SHANK2: variants seen among roughly 807,000 people sequenced by gnomAD.
SHANK2 encodes SH3 and multiple ankyrin repeat domains protein 2.
Under a neutral mutation model 133.7 loss-of-function variants are expected in SHANK2, and 43 were observed. The observed-to-expected ratio is 0.32, with a 90% confidence interval of 0.25 to 0.41. The LOEUF is 0.41. SHANK2 is among the 10% of genes least tolerant of loss of function. SHANK2 has a pLI of 1.00. For synonymous variants in SHANK2, 1,017 were observed against 952.8 expected (o/e 1.07, Z -1.24); for missense variants, 1,994 against 2,235.8 (o/e 0.89, Z 2.18).
chr11:70,474,040 C>A lies in SHANK2; in HGVS notation c.4980-601G>T, dbSNP rs1228597530. 2.9e-4 allele frequency: 54 copies of A among 187,092 alleles called. 2 individuals carry two copies. Among genetic ancestry groups the A allele is most frequent in the Admixed American group, 2.0e-3 (37 of 18,936 alleles). 11.6% of individuals were successfully genotyped at this position (187,092 alleles called of 1,614,324 possible). On this transcript the variant is annotated intron_variant, in intron 25 of 25. Coordinates refer to ENST00000601538, the MANE Select transcript of SHANK2 (RefSeq NM_012309.5). The stretch of plus-strand genomic sequence containing the variant: ...CTTCCCAGGTGGCCCCTTTCAGTAA[C>A]TGGAACCCCTGTAGCTACGCAGGGC...
At chr11:71,165,337 T>C (rs1209013377) in intron 2 of SHANK2, among the ~76,000 whole-genome samples, 19 of 152,154 alleles carry the variant, frequency 1.2e-4, no homozygotes, top group African/African-American at 4.3e-4. Flanking sequence ...CCCAGCCTTG[T>C]CTTGTTTTCT....
chr11:70,616,563 G>T (rs2060744557), intron 17 of SHANK2, among the ~76,000 whole-genome samples: 1 of 152,212 alleles, frequency 6.6e-6, no homozygotes, highest in East Asian at 1.9e-4. Context: ...GGACAGAGGA[G>T]GCACTGTTCC....
At chr11:70,617,597 C>T (rs540794157) in intron 17 of SHANK2, among the ~76,000 whole-genome samples, 5 of 152,252 alleles carry the variant, frequency 3.3e-5, no homozygotes, top group East Asian at 3.9e-4. Context: ...CAGAACCCCA[C>T]GGGACCTACA....
At chr11:70,846,425 G>A (rs1418864195) in intron 11 of SHANK2, among the ~76,000 whole-genome samples, 4 of 151,948 alleles carry the variant, frequency 2.6e-5, no homozygotes, top group East Asian at 1.9e-4. Context: ...CACCATGCCC[G>A]GCTAATTTTT....
intron 14 of SHANK2, among the ~76,000 whole-genome samples, chr11:70,732,211 C>G (rs1420481943): frequency 1.3e-5 from 2 of 152,188 alleles, no homozygotes; most frequent in African/African-American, 4.8e-5. Context: ...TCTGCCCTGG[C>G]GCCTCATCCA....
At chr11:70,559,087 C>T (rs782172727) in intron 17 of SHANK2, among the ~76,000 whole-genome samples, 2 of 151,526 alleles carry the variant, frequency 1.3e-5, no homozygotes, top group Non-Finnish European at 2.9e-5. Flanking sequence ...GGTGTGATCT[C>T]GGCTCACTGC....
At chr11:70,554,899 G>T (rs562484251) in intron 17 of SHANK2, among the ~76,000 whole-genome samples, 1 of 45,770 alleles carries the variant, frequency 2.2e-5, no homozygotes, top group Non-Finnish European at 5.2e-5. Flanking sequence ...CACGAACATT[G>T]CATTTTTTTT....
intron 14 of SHANK2, among the ~76,000 whole-genome samples, chr11:70,761,257 T>C (rs1946990429): frequency 6.6e-6 from 1 of 152,136 alleles, no homozygotes; most frequent in African/African-American, 2.4e-5. Flanking sequence ...ATGGGATTTG[T>C]GCCCTTACTA....
intron 25 of SHANK2, among the ~76,000 whole-genome samples, chr11:70,477,781 C>T (rs567068066): frequency 1.3e-5 from 2 of 152,322 alleles, no homozygotes; most frequent in East Asian, 1.9e-4. Flanking sequence ...GAGTGTGAGA[C>T]GCAGGGTGAA....
chr11:70,727,851 C>A (rs1163676717), intron 14 of SHANK2, among the ~76,000 whole-genome samples: 5 of 152,230 alleles, frequency 3.3e-5, no homozygotes, highest in African/African-American at 1.2e-4. Flanking sequence ...GGGCTGTCCT[C>A]AGTTTCTGTG....
Position 70,492,317 on chromosome 11 carries a change from CA to C in SHANK2, c.2439+17del, listed in dbSNP as rs1555156034. 6.8e-6 allele frequency: 11 copies of C among 1,608,514 alleles called. No homozygotes were observed. Among genetic ancestry groups the C allele is most frequent in the East Asian group, 2.2e-5 (1 of 44,882 alleles). ...CCGTCGGCCCCCGCCCTCGTGGTCC[CA>C]AGGTACGGCCACTCACGTTCATGTC... On this transcript the variant is annotated intron_variant, in intron 22 of 25. Coordinates refer to ENST00000601538, the MANE Select transcript of SHANK2 (RefSeq NM_012309.5).
chr11:70,889,244 G>A (rs1218624430), intron 11 of SHANK2, among the ~76,000 whole-genome samples: 2 of 152,180 alleles, frequency 1.3e-5, no homozygotes, highest in Non-Finnish European at 2.9e-5. Flanking sequence ...CACAGGGGAA[G>A]CCATGTGAAG....
At chr11:71,150,227 G>A (rs1341116476) in intron 2 of SHANK2, among the ~76,000 whole-genome samples, 2 of 27,428 alleles carry the variant, frequency 7.3e-5, no homozygotes. Flanking sequence ...GAGGGAGAGG[G>A]AGGGAGGGAA....
intron 6 of SHANK2, among the ~76,000 whole-genome samples, chr11:71,105,370 A>T (rs782118184): frequency 1.3e-5 from 2 of 152,082 alleles, no homozygotes; most frequent in Non-Finnish European, 2.9e-5. Context: ...AGGTGGGTGG[A>T]TCACTTGAGG....
intron 17 of SHANK2, among the ~76,000 whole-genome samples, chr11:70,520,715 G>A (rs2059319948): frequency 6.6e-6 from 1 of 152,184 alleles, no homozygotes; most frequent in Non-Finnish European, 1.5e-5. Flanking sequence ...CTTTGCACAT[G>A]TTAGGGAAGA....
chr11:71,211,769 A>G (rs1954288369), intron 2 of SHANK2, among the ~76,000 whole-genome samples: 1 of 152,050 alleles, frequency 6.6e-6, no homozygotes, highest in Non-Finnish European at 1.5e-5. Flanking sequence ...ACTTTGAGGC[A>G]TTTCATATAA....
At chr11:70,853,637 A>C (rs1353110108) in intron 11 of SHANK2, among the ~76,000 whole-genome samples, 1 of 152,134 alleles carries the variant, frequency 6.6e-6, no homozygotes, top group African/African-American at 2.4e-5. Context: ...AACGGGAGGG[A>C]GACAGAGTGA....
chr11:70,819,407 G>A (rs973896364), intron 12 of SHANK2, among the ~76,000 whole-genome samples: 3 of 152,260 alleles, frequency 2.0e-5, no homozygotes, highest in Admixed American at 2.0e-4. Flanking sequence ...AGCTTTCGTG[G>A]CTGGAACCGA....
intron 6 of SHANK2, among the ~76,000 whole-genome samples, chr11:71,098,586 G>T (rs942848070): frequency 1.3e-5 from 2 of 152,148 alleles, no homozygotes; most frequent in Non-Finnish European, 2.9e-5. Flanking sequence ...AAAGGGATGG[G>T]GAATGAACCG....
Sources: gnomAD v4.1 joint callset for allele counts (sites outside exome capture counted in the v4.1 genomes callset) on GRCh38, gnomAD v4.1.1 for gene constraint, MANE v1.5 for transcripts, NCBI Gene and HGNC (gene_info 2026-07-23, HGNC 2026-07-21) for gene names.